NECAB1: variants seen among roughly 807,000 people sequenced by gnomAD.
NECAB1 encodes N-terminal EF-hand calcium binding protein 1.
A neutral mutation model predicts 57.5 loss-of-function variants in NECAB1; 29 were observed. The observed-to-expected ratio is 0.50, with a 90% CI of 0.38 to 0.69. The LOEUF (loss-of-function observed/expected upper bound fraction) is 0.69, where lower values mean the gene tolerates loss of function less well. Among genes scored for constraint, NECAB1 ranks in the 30% least tolerant of loss-of-function variants. NECAB1 has a pLI of 0.00. For missense variants in NECAB1, 372 were observed against 413.8 expected (o/e 0.90, Z 0.88); for synonymous variants, 142 against 147.7 (o/e 0.96, Z 0.28).
intron 3 of NECAB1, among the ~76,000 whole-genome samples, chr8:90,849,481 T>C (rs990730844): frequency 9.4e-5 from 7 of 74,444 alleles, no homozygotes; most frequent in African/African-American, 3.9e-4. Flanking sequence ...AAAAGAAAAA[T>C]GCTTTTTTTT....
chr8:90,935,209 G>A (rs1467535731), intron 9 of NECAB1, among the ~76,000 whole-genome samples: 1 of 152,140 alleles, frequency 6.6e-6, no homozygotes, highest in Non-Finnish European at 1.5e-5. Flanking sequence ...CACAAGCACT[G>A]ACTACATGAT....
At chr8:90,855,385 A>G (rs1812775337) in intron 3 of NECAB1, among the ~76,000 whole-genome samples, 1 of 152,214 alleles carries the variant, frequency 6.6e-6, no homozygotes, top group Non-Finnish European at 1.5e-5. Context: ...TACTCATTAC[A>G]CTATTCTTTT....
chr8:90,920,111 T>C (rs1352227205), intron 6 of NECAB1, among the ~76,000 whole-genome samples: 1 of 152,176 alleles, frequency 6.6e-6, no homozygotes, highest in African/African-American at 2.4e-5. Context: ...TCTGGATTTC[T>C]CACTCAAAAA....
At chr8:90,813,270 C>T (rs889090844) in intron 2 of NECAB1, 1 of 150,306 alleles carries the variant, frequency 6.7e-6, no homozygotes, top group African/African-American at 2.4e-5. Flanking sequence ...CACACACACA[C>T]ACTTGTATAA....
chr8:90,951,896 T>C (rs1200250109), intron 12 of NECAB1, among the ~76,000 whole-genome samples: 1 of 152,116 alleles, frequency 6.6e-6, no homozygotes, highest in East Asian at 1.9e-4. Context: ...CCTTAAAAGA[T>C]GAGATGTGGA....
chr8:90,942,067 T>C (rs1810682908), intron 10 of NECAB1, among the ~76,000 whole-genome samples: 1 of 152,220 alleles, frequency 6.6e-6, no homozygotes, highest in African/African-American at 2.4e-5. Flanking sequence ...CAATTAATTA[T>C]ATTTTATTCA....
At chr8:90,863,679 ACTTT>A (rs1376176580) in intron 3 of NECAB1, among the ~76,000 whole-genome samples, 1 of 152,126 alleles carries the variant, frequency 6.6e-6, no homozygotes, top group African/African-American at 2.4e-5. Context: ...TATATTTAAT[ACTTT>A]CTTTACATTA....
At chr8:90,912,581 G>A (rs988715877) in intron 5 of NECAB1, among the ~76,000 whole-genome samples, 2 of 152,138 alleles carry the variant, frequency 1.3e-5, no homozygotes, top group Non-Finnish European at 2.9e-5. Context: ...TCTGTAGTCT[G>A]AAATTATTTT....
At chr8:90,885,399 T>C (rs1808955674) in intron 5 of NECAB1, among the ~76,000 whole-genome samples, 1 of 152,188 alleles carries the variant, frequency 6.6e-6, no homozygotes, top group Non-Finnish European at 1.5e-5. Context: ...CCAAGCCAAG[T>C]TGCCAGATGA....
At chr8:90,793,844 A>G (rs1811616143) in intron 1 of NECAB1, among the ~76,000 whole-genome samples, 1 of 152,130 alleles carries the variant, frequency 6.6e-6, no homozygotes, top group South Asian at 2.1e-4. Context: ...CATCCTCCTG[A>G]CTCATACACC....
intron 5 of NECAB1, among the ~76,000 whole-genome samples, chr8:90,908,747 C>T (rs916118113): frequency 1.3e-5 from 2 of 152,134 alleles, no homozygotes; most frequent in Admixed American, 1.3e-4. Flanking sequence ...CCTGACCTAC[C>T]AGTTACCCCA....
chr8:90,854,138 G>T (rs1264469257), intron 3 of NECAB1, among the ~76,000 whole-genome samples: 2 of 152,164 alleles, frequency 1.3e-5, no homozygotes, highest in Admixed American at 6.5e-5. Flanking sequence ...TTATGATGGG[G>T]AGAGTCAATT....
chr8:90,841,830 G>T (rs1812461536), intron 3 of NECAB1, among the ~76,000 whole-genome samples: 1 of 152,202 alleles, frequency 6.6e-6, no homozygotes, highest in African/African-American at 2.4e-5. Flanking sequence ...GCATGAGGAG[G>T]CATCTCAGGC....
chr8:90,869,281 T>G (rs956782245), intron 3 of NECAB1, among the ~76,000 whole-genome samples: 2 of 152,096 alleles, frequency 1.3e-5, no homozygotes, highest in Admixed American at 1.3e-4. Flanking sequence ...AGAGAGGAAA[T>G]GTGTGGTTGG....
intron 2 of NECAB1, among the ~76,000 whole-genome samples, chr8:90,823,984 A>G (rs1001544737): frequency 2.0e-5 from 3 of 151,782 alleles, no homozygotes; most frequent in Non-Finnish European, 2.9e-5. Flanking sequence ...TGTTGTCCAA[A>G]GTCAGGGGTG....
chr8:90,952,599 A>C (rs1810943358), intron 12 of NECAB1, among the ~76,000 whole-genome samples: 1 of 151,992 alleles, frequency 6.6e-6, no homozygotes, highest in Non-Finnish European at 1.5e-5. Flanking sequence ...CAACATGGTG[A>C]AACCCCACCT....
intron 2 of NECAB1, among the ~76,000 whole-genome samples, chr8:90,822,196 C>A (rs534794225): frequency 6.1e-4 from 93 of 151,916 alleles, no homozygotes; most frequent in African/African-American, 2.1e-3. Context: ...TCTGTTGTTC[C>A]ATTTCAAAAG....
At chr8:90,942,097 T>C (rs1276647460) in intron 10 of NECAB1, among the ~76,000 whole-genome samples, 3 of 152,216 alleles carry the variant, frequency 2.0e-5, no homozygotes, top group Non-Finnish European at 4.4e-5. Context: ...AGAATATTTC[T>C]CTAGCTAAGA....
intron 8 of NECAB1, among the ~76,000 whole-genome samples, chr8:90,931,186 A>G (rs1242955080): frequency 1.3e-5 from 2 of 151,888 alleles, no homozygotes; most frequent in African/African-American, 2.4e-5. Context: ...TGTGGAGCTC[A>G]GTGTGAGCTG....
Sources: gnomAD v4.1 joint callset for allele counts (sites outside exome capture counted in the v4.1 genomes callset) on GRCh38, gnomAD v4.1.1 for gene constraint, MANE v1.5 for transcripts, NCBI Gene and HGNC (gene_info 2026-07-23, HGNC 2026-07-21) for gene names.